Variants in CACNA1I observed in about 807,000 individuals in gnomAD.
CACNA1I encodes the protein voltage-dependent T-type calcium channel subunit alpha-1I.
CACNA1I carries 74 observed loss-of-function variants against 201.6 expected under a neutral mutation model. That is an observed-to-expected ratio of 0.37 (90% CI 0.30 to 0.45). The LOEUF is 0.45. Among genes scored for constraint, CACNA1I ranks in the 20% least tolerant of loss-of-function variants. The pLI is 1.00. For synonymous variants in CACNA1I, 1,431 were observed against 1,345.2 expected (o/e 1.06, Z -1.40); for missense variants, 2,346 against 3,138.1 (o/e 0.75, Z 6.03).
At chr22:39,670,276 C>A in intron 25 of CACNA1I, 46 bp downstream of exon 25, 2 of 1,582,516 alleles carry the variant, frequency 1.3e-6, no homozygotes. Flanking sequence ...GCTCTAAGCC[C>A]TTCTGCCTGG....
intron 7 of CACNA1I, among the ~76,000 whole-genome samples, chr22:39,645,648 G>A (rs999883550): frequency 6.6e-6 from 1 of 152,190 alleles, no homozygotes; most frequent in African/African-American, 2.4e-5. Context: ...TGATGAGGCT[G>A]CAGCCATGGA....
chr22:39,622,327 A>G (rs1295697386), intron 4 of CACNA1I, among the ~76,000 whole-genome samples: 2 of 118,290 alleles, frequency 1.7e-5, no homozygotes, highest in African/African-American at 6.6e-5. Flanking sequence ...CTCCGGGAGA[A>G]GGGGATGTCT....
At chr22:39,604,842 C>T (rs1244529614) in intron 3 of CACNA1I, among the ~76,000 whole-genome samples, 9 of 151,860 alleles carry the variant, frequency 5.9e-5, no homozygotes, top group Admixed American at 3.3e-4. Flanking sequence ...CCTCTTGAAG[C>T]GCTGGGATAC....
rs1416266829 is a variant in CACNA1I at position 39,661,975 on chromosome 22, G to A, written c.2912G>A (p.Arg971Gln). The A allele has an allele frequency of 1.9e-6, 3 of 1,538,812 alleles. No individual in the cohort carries two copies. The highest frequency in any genetic ancestry group is 1.2e-5 in the South Asian group (1 of 82,490). The change falls in exon 17 of 37, where the codon CGG becomes CAG. Residue 971 changes from arginine (R) to glutamine (Q), a missense_variant. Coordinates refer to ENST00000402142, the MANE Select transcript of CACNA1I (RefSeq NM_021096.4). Reference sequence around the variant, plus strand: ...GGGAACTCCTTCCAGTCCAGCTCCCGGAGCTCCTACTACGGGCCATGGGGC... The same window carrying A: ...GGGAACTCCTTCCAGTCCAGCTCCCAGAGCTCCTACTACGGGCCATGGGGC... ...SYDQRSLSSS[R>Q]SSYYGPWGRS... is the part of the protein sequence containing the mutation.
rs1396834348 is a variant in CACNA1I at position 39,647,915 on chromosome 22, A to T, written c.1556A>T (p.His519Leu). ...GGGCCTGCCTCCCCTGGAAATGATC[A>T]CTCGGGAAGAGGCAAGCCAGGGCCA... ...LHGPASPGNDHSGRELCPQHS... is the reference protein window; with the variant it reads ...LHGPASPGNDLSGRELCPQHS... The change falls in exon 9 of 37, where the codon CAC becomes CTC. Residue 519 changes from histidine (H) to leucine (L), a missense_variant. Physicochemically the swap from His to Leu is moderately conservative, Grantham distance 99. Transcript: ENST00000402142. The T allele has an allele frequency of 1.9e-6, 3 of 1,613,184 alleles. No individual in the cohort carries two copies. In the African/African-American group the frequency reaches 4.0e-5, roughly 22 times the overall value.
intron 11 of CACNA1I, 91 bp from the exon 12 acceptor site, chr22:39,658,840 C>A: frequency 1.8e-6 from 2 of 1,094,812 alleles, no homozygotes; most frequent in Non-Finnish European, 2.6e-6. Context: ...CTCTGTCTCT[C>A]TGTTTTCCCT....
rs1295500722 is a variant in CACNA1I, at chr22:39,629,825, C to T, written c.581-4740C>T. 4.6e-5 allele frequency among the ~76,000 whole-genome samples: 7 copies of T among 152,200 alleles called. No individual in the cohort carries two copies. The highest frequency in any genetic ancestry group is 2.9e-5 in the Non-Finnish European group (2 of 68,022). ...GTCCACAGGGGCGTCTGCACAGGAT[C>T]CTGCAGACTGTGCGGCTGATGCTCT... On this transcript the variant is annotated intron_variant, in intron 4 of 36. Coordinates refer to ENST00000402142, the MANE Select transcript of CACNA1I (RefSeq NM_021096.4). The surrounding 1 kb of genome is among the most constrained non-coding windows in gnomAD (Gnocchi z 4.8).
intron 24 of CACNA1I, among the ~76,000 whole-genome samples, chr22:39,669,398 C>T (rs1935295727): frequency 6.6e-6 from 1 of 152,234 alleles, no homozygotes; most frequent in African/African-American, 2.4e-5. Flanking sequence ...TGGATTCCAC[C>T]AAGGAATCTG....
Position 39,677,350 on chromosome 22 carries a change from C to A in CACNA1I, c.4864C>A (p.Leu1622Met), listed in dbSNP as rs777234198. 6.3e-7 allele frequency: 1 copy of A among 1,596,838 alleles called. No homozygotes were observed. The highest frequency in any genetic ancestry group is 1.1e-5 in the South Asian group (1 of 88,202). ...ACCTGTCCTCCCGCAGGTGGGCAAC[C>A]TGGGCCTCCTCTTCATGCTGCTCTT... ...VVQALPQVGN[L>M]GLLFMLLFFI... Residue 1622 changes from leucine (L) to methionine (M), a missense_variant, in exon 30 of 37, where the codon CTG (leucine) becomes ATG (methionine). Around this residue, in one of 13 missense-constraint regions of CACNA1I, gnomAD observed 50 missense variants for 43.6 expected, o/e 1.15. Coordinates refer to ENST00000402142, the MANE Select transcript of CACNA1I (RefSeq NM_021096.4). The surrounding 1 kb of genome is among the most constrained non-coding windows in gnomAD (Gnocchi z 4.8).
At position 39,608,604 on chromosome 22, in the gene CACNA1I, C is replaced by T. The variant is rs183766208; in HGVS notation, c.482+7951C>T. On this transcript the variant is annotated intron_variant, in intron 3 of 36. Coordinates refer to ENST00000402142, the MANE Select transcript of CACNA1I (RefSeq NM_021096.4). ...CTGTAATCCCAGCACTTTGGCAGGC[C>T]GAGGTGGATGGATCGCTTGAGCTCA... is the stretch of plus-strand genomic sequence containing the variant. 3.9e-3 allele frequency among the ~76,000 whole-genome samples: 587 copies of T among 151,302 alleles called. 6 individuals are homozygous for T. Among genetic ancestry groups the T allele is most frequent in the African/African-American group, 0.013 (527 of 41,168 alleles).
Position 39,678,084 on chromosome 22 carries a change from T to C in CACNA1I, c.5031T>C (p.Gly1677=). Residue 1677 remains glycine (G), a synonymous_variant, in exon 31 of 37, where the codon GGT becomes GGC. Transcript: ENST00000402142. ...AFLTLFQVST[G]DNWNGIMKDT... ...TCACACTCTTCCAGGTCTCCACGGG[T>C]GACAACTGGAACGGGATCATGAAGG... 1 of 1,611,332 alleles carries C rather than the reference T, an allele frequency of 6.2e-7. No homozygotes were observed. The highest frequency in any genetic ancestry group is 8.5e-7 in the Non-Finnish European group (1 of 1,178,866).
chr22:39,624,586 C>T (rs551448899), intron 4 of CACNA1I, among the ~76,000 whole-genome samples: 1 of 152,318 alleles, frequency 6.6e-6, no homozygotes, highest in East Asian at 1.9e-4. Flanking sequence ...AGCTGGTGTT[C>T]CCCTGGAAGG....
chr22:39,685,794 C>A lies in CACNA1I; in HGVS notation c.6061C>A (p.Pro2021Thr), dbSNP rs577064389. 8.7e-5 allele frequency: 130 copies of A among 1,495,560 alleles called. No individual in the cohort carries two copies. The highest frequency in any genetic ancestry group is 1.1e-4 in the Non-Finnish European group (124 of 1,130,146). 92.6% of individuals were successfully genotyped at this position (1,495,560 alleles called of 1,614,324 possible). Reference sequence around the variant, plus strand: ...GAGCGACACGTCGCTGGACGCCAGCCCCAGCAGCTCCGCGGGCAGCCTGCA... The same window carrying A: ...GAGCGACACGTCGCTGGACGCCAGCACCAGCAGCTCCGCGGGCAGCCTGCA... ...TGSDTSLDAS[P>T]SSSAGSLQTT... is the part of the protein sequence containing the mutation. The change falls in exon 37 of 37, where the codon CCC becomes ACC. Residue 2021 changes from proline (P) to threonine (T), a missense_variant. Coordinates refer to ENST00000402142, the MANE Select transcript of CACNA1I (RefSeq NM_021096.4). This position sits in a 1 kb window ranked among gnomAD's most constrained non-coding sequence, Gnocchi z 5.0.
At chr22:39,682,874 G>C (rs918805675) in intron 35 of CACNA1I, among the ~76,000 whole-genome samples, 4 of 152,180 alleles carry the variant, frequency 2.6e-5, no homozygotes, top group Non-Finnish European at 4.4e-5. Context: ...AAAAAGATGA[G>C]GTAATTATAA....
rs1304189206 is a variant in CACNA1I at position 39,682,622 on chromosome 22, A to G, written c.5791A>G (p.Asn1931Asp). ...FLCEMEEIPFNPVRSWLKHDS... is the reference protein window; with the variant it reads ...FLCEMEEIPFDPVRSWLKHDS... ...GTGTGAGATGGAGGAGATCCCATTCAACCCTGTCCGGTCCTGGCTGAAACA... is the reference window on the plus strand; with the variant it reads ...GTGTGAGATGGAGGAGATCCCATTCGACCCTGTCCGGTCCTGGCTGAAACA... The change falls in exon 35 of 37, where the codon AAC becomes GAC. Residue 1931 changes from asparagine to aspartate, a missense_variant. Physicochemically the swap from Asn to Asp is conservative, Grantham distance 23. This residue lies in a region of CACNA1I where 441 missense variants were observed against 555.6 expected (regional missense o/e 0.79). Transcript: ENST00000402142. 6.2e-7 allele frequency: 1 copy of G among 1,613,402 alleles called. No individual in the cohort carries two copies. The highest frequency in any genetic ancestry group is 1.7e-5 in the Admixed American group (1 of 60,000).
chr22:39,595,846 G>A (rs1023665331), intron 1 of CACNA1I, among the ~76,000 whole-genome samples: 12 of 151,812 alleles, frequency 7.9e-5, no homozygotes, highest in Admixed American at 2.6e-4. Flanking sequence ...ATGTTAGGCC[G>A]TGAGTGTAAA....
chr22:39,679,863 C>T lies in CACNA1I; in HGVS notation c.5536C>T (p.Gln1846Ter). Residue 1846 changes from glutamine to a stop codon, truncating the protein, a stop_gained, in exon 33 of 37, where the codon CAA becomes TAA. Coordinates refer to ENST00000402142, the MANE Select transcript of CACNA1I (RefSeq NM_021096.4). LOFTEE classifies it high-confidence loss of function. ...AGCKKCHHDK[Q>*]EVQLAETEAF... ...CTGCAAGAAGTGTCACCACGACAAGCAAGAGGTAATGGCAGCCCGGGAGGC... is the reference window on the plus strand; with the variant it reads ...CTGCAAGAAGTGTCACCACGACAAGTAAGAGGTAATGGCAGCCCGGGAGGC... The T allele has an allele frequency of 1.2e-6, 2 of 1,611,836 alleles. No individual in the cohort carries two copies. Among genetic ancestry groups the T allele is most frequent in the Non-Finnish European group, 1.7e-6 (2 of 1,179,088 alleles).
intron 1 of CACNA1I, among the ~76,000 whole-genome samples, chr22:39,578,722 ACTCCCCGTAG>A (rs2145802088): frequency 6.6e-6 from 1 of 150,380 alleles, no homozygotes; most frequent in East Asian, 2.0e-4. Flanking sequence ...TTCTTTCCTC[ACTCCCCGTAG>A]CTCCTGGGAA....
At position 39,684,787 on chromosome 22, in the gene CACNA1I, A is replaced by G. The variant is rs1935809390; in HGVS notation, c.6027+289A>G. On this transcript the variant is annotated intron_variant, in intron 36 of 36. Coordinates refer to ENST00000402142, the MANE Select transcript of CACNA1I (RefSeq NM_021096.4). This position sits in a 1 kb window ranked among gnomAD's most constrained non-coding sequence, Gnocchi z 4.6. ...ATCCCTAGCTTGAGGGGAGGGGAGGAGAGGAGGAGGAGTACTGGAGGTTTT... is the reference window on the plus strand; with the variant it reads ...ATCCCTAGCTTGAGGGGAGGGGAGGGGAGGAGGAGGAGTACTGGAGGTTTT... 1 of 581,938 alleles carries G rather than the reference A, an allele frequency of 1.7e-6. No individual in the cohort carries two copies. The allele number at this position is 581,938 out of a possible 1,614,324, so 36.0% of individuals were successfully genotyped here. A position where few individuals can be genotyped will look rare whatever the true frequency, so the allele number is the denominator to read the frequency against.
Sources: gnomAD v4.1 joint callset for allele counts (sites outside exome capture counted in the v4.1 genomes callset) on GRCh38, gnomAD v4.1.1 for gene constraint, gnomAD v4.1.1 regional missense constraint, Gnocchi (gnomAD v3.1) non-coding constraint, MANE v1.5 for transcripts, NCBI Gene and HGNC (gene_info 2026-07-23, HGNC 2026-07-21) for gene names.